ACSS2: variants seen among roughly 807,000 people sequenced by gnomAD.
ACSS2 encodes acetyl-coenzyme A synthetase, cytoplasmic.
Under a neutral mutation model 90.6 loss-of-function variants are expected in ACSS2, and 58 were observed. The ratio of observed to expected loss-of-function variants is 0.64; its 90% confidence interval spans 0.52 to 0.80. The LOEUF (loss-of-function observed/expected upper bound fraction) is 0.80, where lower values mean the gene tolerates loss of function less well. Ranked by LOEUF, ACSS2 falls within the 30% of genes least tolerant of loss-of-function variation. The probability of loss-of-function intolerance (pLI) is 0.00; values close to 1 mark genes in which losing one functional copy is unlikely to be tolerated. For synonymous variants in ACSS2, 300 were observed against 330.9 expected, an observed-to-expected ratio of 0.91 and a Z score of 1.01; for missense variants, 759 against 912.0, an observed-to-expected ratio of 0.83 and a Z score of 2.16.
intron 2 of ACSS2, among the ~76,000 whole-genome samples, chr20:34,901,616 C>T (rs2080660962): frequency 6.6e-6 from 1 of 152,166 alleles, no homozygotes; most frequent in African/African-American, 2.4e-5. Context: ...TTGTGCAGTG[C>T]TTTATGGATC....
upstream of ACSS2, chr20:34,875,094 T>C (rs1191834867): frequency 1.9e-6 from 1 of 534,712 alleles, no homozygotes; most frequent in Non-Finnish European, 3.8e-6. Flanking sequence ...ACAGCCAGTC[T>C]GTGAAATGAT....
intron 13 of ACSS2, chr20:34,922,444 A>G (rs149656220): frequency 0.011 from 1,720 of 152,498 alleles, 10 homozygotes; most frequent in Non-Finnish European, 0.017. Flanking sequence ...TCTTTACCAA[A>G]AATACAAAAA....
At chr20:34,899,440 T>G (rs2080583876) in intron 2 of ACSS2, among the ~76,000 whole-genome samples, 1 of 139,756 alleles carries the variant, frequency 7.2e-6, no homozygotes. Context: ...CCTTCCTTCC[T>G]TCCTTCCTTC....
intron 2 of ACSS2, among the ~76,000 whole-genome samples, chr20:34,885,917 A>T (rs1007028429): frequency 6.7e-6 from 1 of 148,386 alleles, no homozygotes; most frequent in Middle Eastern, 3.2e-3. Context: ...TGCATTAGGC[A>T]TTATGGATAT....
intron 2 of ACSS2, chr20:34,908,864 G>GAAA (rs57607834): frequency 1.5e-3 from 404 of 261,348 alleles, no homozygotes; most frequent in East Asian, 3.0e-3. Context: ...TCCATCTTGG[G>GAAA]AAAAAAAAAA....
chr20:34,877,214 A>C (rs909745240), intron 1 of ACSS2, among the ~76,000 whole-genome samples: 25 of 152,056 alleles, frequency 1.6e-4, no homozygotes, highest in African/African-American at 4.6e-4. Flanking sequence ...CCTTGAAGGG[A>C]GGAGGGCCAC....
At chr20:34,878,408 A>G (rs1243599355) in intron 1 of ACSS2, among the ~76,000 whole-genome samples, 3 of 152,322 alleles carry the variant, frequency 2.0e-5, no homozygotes, top group East Asian at 1.9e-4. Context: ...CTTTTCTTCC[A>G]TCTATAAGAT....
chr20:34,914,668 G>A (rs1300252642), intron 7 of ACSS2, among the ~76,000 whole-genome samples: 2 of 152,180 alleles, frequency 1.3e-5, no homozygotes, highest in Non-Finnish European at 2.9e-5. Context: ...TTGTAAGGGA[G>A]ACTCCTATGC....
At position 34,921,845 on chromosome 20, in the gene ACSS2, A is replaced by G; in HGVS notation, c.1527A>G (p.Glu509=). ...TGAATGAGTCCGGGGAAGAGTTGGA[A>G]GGTGAAGCTGAAGGTTATCTGGTGA... ...AILNESGEEL[E]GEAEGYLVFK... The change falls in exon 13 of 18, where the codon GAA becomes GAG. Residue 509 remains glutamate, a synonymous_variant. Transcript: ENST00000360596. The G allele has an allele frequency of 6.2e-7, 1 of 1,613,962 alleles. No individual in the cohort carries two copies. Among genetic ancestry groups the G allele is most frequent in the South Asian group, 1.1e-5 (1 of 91,056 alleles).
chr20:34,875,619 T>C (rs1341840760), upstream of ACSS2, among the ~76,000 whole-genome samples: 2 of 152,206 alleles, frequency 1.3e-5, no homozygotes, highest in Admixed American at 1.3e-4. Context: ...TTTTTCCTAT[T>C]TGCACAGACT....
Position 34,926,019 on chromosome 20 carries a change from C to T in ACSS2, c.1727-86C>T, listed in dbSNP as rs1045729717. On this transcript the variant is annotated intron_variant, in intron 15 of 17. Transcript: ENST00000360596. The stretch of plus-strand genomic sequence containing the variant: ...GAAGGGTCTTCTCCATTTGGCCAGA[C>T]CAGGACTGCCCCATGGGTACAGATG... The T allele has an allele frequency of 2.0e-5, 30 of 1,464,826 alleles. No individual in the cohort carries two copies. In the African/African-American group the frequency reaches 3.8e-4, roughly 18 times the overall value. 90.7% of individuals were successfully genotyped at this position (1,464,826 alleles called of 1,614,324 possible).
Position 34,927,295 on chromosome 20 carries a change from C to T in ACSS2, c.*81C>T. ...TTTGCCCCCTCAGGAGTGCTGAGGG[C>T]CAGTGTTGACCCACACTACCCTCCC... On this transcript the variant is annotated 3_prime_UTR_variant, in exon 18 of 18. Transcript: ENST00000360596. This position sits in a 1 kb window ranked among gnomAD's most constrained non-coding sequence, Gnocchi z 4.2. The T allele has an allele frequency of 6.5e-7, 1 of 1,543,314 alleles. No individual in the cohort carries two copies. Among genetic ancestry groups the T allele is most frequent in the Non-Finnish European group, 8.8e-7 (1 of 1,130,946 alleles).
chr20:34,882,622 CA>C (rs937691165), intron 1 of ACSS2, among the ~76,000 whole-genome samples, 171 bp from the exon 2 acceptor site: 142 of 141,582 alleles, frequency 1.0e-3, no homozygotes, highest in Admixed American at 1.1e-3. Flanking sequence ...CCTCCATCTC[CA>C]AAAAAAAAAA....
At chr20:34,898,826 A>G (rs1392334723) in intron 2 of ACSS2, among the ~76,000 whole-genome samples, 1 of 149,138 alleles carries the variant, frequency 6.7e-6, no homozygotes, top group Non-Finnish European at 1.5e-5. Flanking sequence ...TGGGTGGCCG[A>G]TGGGACTGGG....
At chr20:34,886,753 T>C (rs968935666) in intron 2 of ACSS2, among the ~76,000 whole-genome samples, 1 of 152,250 alleles carries the variant, frequency 6.6e-6, no homozygotes, top group African/African-American at 2.4e-5. Context: ...CCCAAAGTTC[T>C]CCCTCTTGGA....
chr20:34,890,558 G>A (rs750368268), intron 2 of ACSS2, among the ~76,000 whole-genome samples: 9 of 152,058 alleles, frequency 5.9e-5, no homozygotes, highest in Non-Finnish European at 1.3e-4. Flanking sequence ...TGGAAAGAGT[G>A]GTTGATGGCT....
intron 13 of ACSS2, 133 bp downstream of exon 13, chr20:34,921,999 TCAC>T: frequency 6.7e-7 from 1 of 1,482,950 alleles, no homozygotes; most frequent in East Asian, 2.3e-5. Context: ...GGAGGTTTGC[TCAC>T]TGAGAGACCC....
intron 4 of ACSS2, 83 bp from the exon 5 acceptor site, chr20:34,913,670 A>G: frequency 7.1e-7 from 1 of 1,409,822 alleles, no homozygotes; most frequent in South Asian, 1.2e-5. Context: ...AGAGATCCTG[A>G]AAGTTCCATG....
chr20:34,880,880 A>G (rs569561178), intron 1 of ACSS2, among the ~76,000 whole-genome samples: 9 of 152,274 alleles, frequency 5.9e-5, no homozygotes, highest in African/African-American at 1.7e-4. Flanking sequence ...ACTAGATTGT[A>G]TAAGCTCTAA....
Sources: allele counts gnomAD v4.1 joint callset (sites outside exome capture counted in the v4.1 genomes callset), GRCh38; gene constraint gnomAD v4.1.1; non-coding constraint Gnocchi (gnomAD v3.1); transcripts MANE v1.5; gene names NCBI Gene and HGNC (gene_info 2026-07-23, HGNC 2026-07-21).